Variants in SGCZ observed in about 807,000 individuals in gnomAD.
SGCZ encodes the protein sarcoglycan zeta, also known as zeta-sarcoglycan.
Under a neutral mutation model 41.3 loss-of-function variants are expected in SGCZ, and 40 were observed. The ratio of observed to expected loss-of-function variants is 0.97; its 90% CI spans 0.75 to 1.26. The LOEUF (loss-of-function observed/expected upper bound fraction) is 1.26, where lower values mean the gene tolerates loss of function less well. Among genes scored for constraint, SGCZ ranks in the 50% most tolerant of loss-of-function variants. SGCZ has a pLI of 0.00. For missense variants in SGCZ, 552 were observed against 369.8 expected (o/e 1.49, Z -4.04); for synonymous variants, 206 against 137.5 (o/e 1.50, Z -3.49).
chr8:14,890,185 C>G (rs141926624), intron 1 of SGCZ, among the ~76,000 whole-genome samples: 5,211 of 150,842 alleles, frequency 0.035, 111 homozygotes, highest in Non-Finnish European at 0.056. Context: ...CCACTGCACT[C>G]CAGCCTGGGC....
chr8:14,450,378 T>A (rs565651430), intron 2 of SGCZ, among the ~76,000 whole-genome samples: 8 of 152,296 alleles, frequency 5.3e-5, no homozygotes, highest in African/African-American at 1.7e-4. Flanking sequence ...CAGAATGAAA[T>A]GTAGAAATTG....
intron 1 of SGCZ, among the ~76,000 whole-genome samples, chr8:14,686,853 C>A (rs1023882075): frequency 6.6e-6 from 1 of 152,030 alleles, no homozygotes; most frequent in Admixed American, 6.6e-5. Context: ...ATGATACTGC[C>A]ACATGGCTTC....
At chr8:14,366,424 C>G (rs1426637628) in intron 2 of SGCZ, among the ~76,000 whole-genome samples, 1 of 152,110 alleles carries the variant, frequency 6.6e-6, no homozygotes, top group South Asian at 2.1e-4. Flanking sequence ...TGGGGGAAAC[C>G]ACCTGGATTA....
At chr8:15,107,441 T>C (rs1806874926) in intron 1 of SGCZ, among the ~76,000 whole-genome samples, 1 of 152,124 alleles carries the variant, frequency 6.6e-6, no homozygotes. Flanking sequence ...CCTTCAATCA[T>C]TTACCCATGA....
rs374300322 is a variant in SGCZ, at chr8:14,724,404, CT to C, written c.40-169479del. Among the ~76,000 whole-genome samples, 767 of 151,898 alleles carry C rather than the reference CT, an allele frequency of 5.0e-3. 2 individuals are homozygous for C. Among genetic ancestry groups the C allele is most frequent in the East Asian group, 0.02 (102 of 5,178 alleles). ...TTCAGAGAGAATAACATGATAGCCTCTACTGAGCTTTCATGGTATACTGCAA... is the reference window on the plus strand; with the variant it reads ...TTCAGAGAGAATAACATGATAGCCTCACTGAGCTTTCATGGTATACTGCAA... On this transcript the variant is annotated intron_variant, in intron 1 of 7. Transcript: ENST00000382080.
chr8:14,101,318 G>A (rs921471773), intron 7 of SGCZ, among the ~76,000 whole-genome samples: 1 of 92,644 alleles, frequency 1.1e-5, no homozygotes, highest in African/African-American at 2.8e-5. Context: ...GTGTGAAAAT[G>A]CAAAGTTATG....
At chr8:15,062,263 C>A (rs1804965782) in intron 1 of SGCZ, among the ~76,000 whole-genome samples, 1 of 152,090 alleles carries the variant, frequency 6.6e-6, no homozygotes, top group Admixed American at 6.6e-5. Context: ...ACCTTCTCAA[C>A]CAAGTAATGA....
chr8:14,211,990 T>C (rs1335576839), intron 4 of SGCZ, among the ~76,000 whole-genome samples: 1 of 152,122 alleles, frequency 6.6e-6, no homozygotes, highest in Non-Finnish European at 1.5e-5. Flanking sequence ...GGGAACCCCT[T>C]CTTTGAATGA....
At chr8:14,278,788 G>T (rs550521576) in intron 3 of SGCZ, among the ~76,000 whole-genome samples, 1 of 151,992 alleles carries the variant, frequency 6.6e-6, no homozygotes, top group Non-Finnish European at 1.5e-5. Context: ...AAAGAGGCTG[G>T]TATTCTTCTA....
chr8:14,520,500 T>C (rs1301139120), intron 2 of SGCZ, among the ~76,000 whole-genome samples: 2 of 152,264 alleles, frequency 1.3e-5, no homozygotes, highest in East Asian at 1.9e-4. Context: ...GGACCCCAAA[T>C]ATATTTTAAA....
At chr8:14,938,177 G>T (rs1267108094) in intron 1 of SGCZ, among the ~76,000 whole-genome samples, 1 of 152,238 alleles carries the variant, frequency 6.6e-6, no homozygotes, top group South Asian at 2.1e-4. Context: ...AATACATTAT[G>T]TTCATCTACT....
At chr8:15,183,569 G>C (rs1299245591) in intron 1 of SGCZ, among the ~76,000 whole-genome samples, 2 of 152,074 alleles carry the variant, frequency 1.3e-5, no homozygotes, top group Non-Finnish European at 2.9e-5. Context: ...ACTGATTAGA[G>C]GGCTTTAATT....
At chr8:14,504,883 T>C (rs965367645) in intron 2 of SGCZ, among the ~76,000 whole-genome samples, 1 of 152,176 alleles carries the variant, frequency 6.6e-6, no homozygotes, top group Non-Finnish European at 1.5e-5. Flanking sequence ...TCTTTATAAA[T>C]TGTGATTCCT....
At chr8:14,229,262 G>C (rs1334704853) in intron 4 of SGCZ, among the ~76,000 whole-genome samples, 1 of 151,994 alleles carries the variant, frequency 6.6e-6, no homozygotes, top group Non-Finnish European at 1.5e-5. Flanking sequence ...AATGATTCAG[G>C]ATGTTTAAAA....
intron 2 of SGCZ, among the ~76,000 whole-genome samples, chr8:14,550,427 A>T (rs939118631): frequency 6.6e-6 from 1 of 151,446 alleles, no homozygotes; most frequent in Non-Finnish European, 1.5e-5. Context: ...AGTATTCAGG[A>T]TTGTGGTTAT....
At chr8:14,505,579 T>G (rs1802281867) in intron 2 of SGCZ, among the ~76,000 whole-genome samples, 1 of 152,184 alleles carries the variant, frequency 6.6e-6, no homozygotes, top group Non-Finnish European at 1.5e-5. Flanking sequence ...TTTCTAGGTT[T>G]TCTCATCTTC....
At chr8:14,964,633 G>T (rs1313695704) in intron 1 of SGCZ, among the ~76,000 whole-genome samples, 5 of 152,198 alleles carry the variant, frequency 3.3e-5, no homozygotes, top group Non-Finnish European at 5.9e-5. Context: ...ACCCTGAAAA[G>T]TGGTCCTGAA....
intron 2 of SGCZ, among the ~76,000 whole-genome samples, chr8:14,405,339 T>C (rs538731149): frequency 2.7e-5 from 4 of 150,094 alleles, no homozygotes; most frequent in Non-Finnish European, 4.5e-5. Flanking sequence ...TTACTTTATG[T>C]ATCTTCCCCA....
intron 3 of SGCZ, among the ~76,000 whole-genome samples, chr8:14,290,654 T>C (rs10101326): frequency 0.97 from 147,193 of 152,196 alleles, 71,343 homozygotes; most frequent in East Asian, 1. Flanking sequence ...CACTCAAGTA[T>C]GAGTGGCTAG....
Sources: gnomAD v4.1 joint callset for allele counts (sites outside exome capture counted in the v4.1 genomes callset) on GRCh38, gnomAD v4.1.1 for gene constraint, MANE v1.5 for transcripts, NCBI Gene and HGNC (gene_info 2026-07-23, HGNC 2026-07-21) for gene names.